The following ZBTB1 variants were observed in gnomAD, a reference collection of about 807,000 sequenced individuals.
ZBTB1 encodes zinc finger and BTB domain containing 1.
ZBTB1 carries 13 observed loss-of-function variants against 51.6 expected under a neutral mutation model. The ratio of observed to expected loss-of-function variants is 0.25; its 90% CI spans 0.16 to 0.40. ZBTB1 has a LOEUF of 0.40. Among genes scored for constraint, ZBTB1 ranks in the 10% least tolerant of loss-of-function variants. The pLI is 1.00. For missense variants in ZBTB1, 567 were observed against 856.5 expected, an observed-to-expected ratio of 0.66 and a Z score of 4.22; for synonymous variants, 240 against 282.2, an observed-to-expected ratio of 0.85 and a Z score of 1.50.
intron 1 of ZBTB1, among the ~76,000 whole-genome samples, chr14:64,510,504 A>G (rs1223876993): frequency 6.6e-6 from 1 of 152,218 alleles, no homozygotes; most frequent in Non-Finnish European, 1.5e-5. Context: ...AGGAGGTGAT[A>G]AACTGATTTT....
chr14:64,515,771 C>A (rs1007355145), intron 1 of ZBTB1, among the ~76,000 whole-genome samples: 1 of 152,078 alleles, frequency 6.6e-6, no homozygotes, highest in Non-Finnish European at 1.5e-5. Flanking sequence ...CACCCGCCTC[C>A]GCCTCCCAAA....
chr14:64,514,575 T>A (rs1483143900), intron 1 of ZBTB1, among the ~76,000 whole-genome samples: 1 of 152,244 alleles, frequency 6.6e-6, no homozygotes, highest in East Asian at 1.9e-4. Context: ...GAAAAATATT[T>A]CTGAAATCTT....
In ZBTB1 at chr14:64,523,044, A is replaced by G. The variant is rs746038364; in HGVS notation, c.1540A>G (p.Asn514Asp). 16 of 1,614,206 alleles carry G rather than the reference A, an allele frequency of 9.9e-6. No homozygotes were observed. Among genetic ancestry groups the G allele is most frequent in the Non-Finnish European group, 1.4e-5 (16 of 1,180,032 alleles). Residue 514 changes from asparagine (N) to aspartate (D), a missense_variant, in exon 2 of 2, where the codon AAT becomes GAT. Transcript: ENST00000683701. This position sits in a 1 kb window ranked among gnomAD's most constrained non-coding sequence, Gnocchi z 4.5. ...TGAAATGCTGGATGATTTTAGGGACAATCATTACCAGATAAACAGTATCCA... is the reference window on the plus strand; with the variant it reads ...TGAAATGCTGGATGATTTTAGGGACGATCATTACCAGATAAACAGTATCCA... ...FVEMLDDFRD[N>D]HYQINSIQKK... is the part of the protein sequence containing the mutation.
chr14:64,527,977 T>A (rs1158242200), downstream of ZBTB1, among the ~76,000 whole-genome samples: 1 of 152,150 alleles, frequency 6.6e-6, no homozygotes, highest in Non-Finnish European at 1.5e-5. Context: ...GAGATTTTTG[T>A]AAGTAATGAT....
chr14:64,517,430 C>T (rs1283155498), intron 1 of ZBTB1, among the ~76,000 whole-genome samples: 1 of 152,104 alleles, frequency 6.6e-6, no homozygotes, highest in Admixed American at 6.6e-5. Flanking sequence ...AAGTTTGTTT[C>T]ATTCTTGAAT....
rs1321262042 is a variant in ZBTB1 at position 64,522,022 on chromosome 14, G to C, written c.518G>C (p.Arg173Thr). 2 of 1,614,226 alleles carry C rather than the reference G, an allele frequency of 1.2e-6. No individual in the cohort carries two copies. Among genetic ancestry groups the C allele is most frequent in the Admixed American group, 1.7e-5 (1 of 60,028 alleles). Residue 173 changes from arginine (R) to threonine (T), a missense_variant, in exon 2 of 2, where the codon AGA becomes ACA. This residue lies in a region of ZBTB1 where 74 missense variants were observed against 74.9 expected (regional missense o/e 0.99). Coordinates refer to ENST00000683701, the MANE Select transcript of ZBTB1 (RefSeq NM_001123329.2). ...PSSTVNTPHN[R>T]EADEESLQLG... ...TCAACGGTAAATACACCACATAATA[G>C]AGAGGCTGATGAAGAGTCTTTACAA... is the stretch of plus-strand genomic sequence containing the variant.
At chr14:64,528,429 CAT>C (rs1395885311), downstream of ZBTB1, among the ~76,000 whole-genome samples, 1 of 141,692 alleles carries the variant, frequency 7.1e-6, no homozygotes, top group Non-Finnish European at 1.5e-5. Context: ...TCCTTTGTAA[CAT>C]ATACTTCTCA....
At chr14:64,504,752 C>G, upstream of ZBTB1, 1 of 373,740 alleles carries the variant, frequency 2.7e-6, no homozygotes, top group South Asian at 1.5e-4. Context: ...CGCGGCTGTG[C>G]GGCAGCGGAA....
intron 1 of ZBTB1, among the ~76,000 whole-genome samples, chr14:64,510,500 T>C (rs984640235): frequency 3.3e-5 from 5 of 151,962 alleles, no homozygotes; most frequent in African/African-American, 1.2e-4. Flanking sequence ...CTGCAGGAGG[T>C]GATAAACTGA....
exon 3 of ZBTB1, chr14:64,531,912 G>C: frequency 6.2e-7 from 1 of 1,613,530 alleles, no homozygotes; most frequent in Non-Finnish European, 8.5e-7. Context: ...TCTGAATTTG[G>C]AGAGGACATG....
chr14:64,518,797 A>G (rs983261863), intron 1 of ZBTB1, among the ~76,000 whole-genome samples: 1 of 150,922 alleles, frequency 6.6e-6, no homozygotes, highest in Non-Finnish European at 1.5e-5. Context: ...TGCTTTTAAT[A>G]CTTCCTCTCC....
At chr14:64,506,109 A>G (rs2079650593) in intron 1 of ZBTB1, among the ~76,000 whole-genome samples, 1 of 152,258 alleles carries the variant, frequency 6.6e-6, no homozygotes, top group Non-Finnish European at 1.5e-5. Context: ...TGAGGCTTGA[A>G]TGATGGCTGG....
At chr14:64,506,255 G>C (rs1233368129) in intron 1 of ZBTB1, among the ~76,000 whole-genome samples, 1 of 152,188 alleles carries the variant, frequency 6.6e-6, no homozygotes, top group Non-Finnish European at 1.5e-5. Context: ...AAACTGGGCC[G>C]GGCGCAGTGG....
At chr14:64,529,343 C>T (rs116865470), downstream of ZBTB1, among the ~76,000 whole-genome samples, 571 of 152,300 alleles carry the variant, frequency 3.7e-3, 1 homozygote, top group Middle Eastern at 0.017. Context: ...CGCCAATCTC[C>T]ATTTCCTTTT....
Position 64,524,146 on chromosome 14 carries a change from T to C in ZBTB1, c.*500T>C, listed in dbSNP as rs1027786491. 1.0e-6 allele frequency: 1 copy of C among 985,108 alleles called. No individual in the cohort carries two copies. Among genetic ancestry groups the C allele is most frequent in the African/African-American group, 1.7e-5 (1 of 57,210 alleles). The allele number at this position is 985,108 out of a possible 1,614,324, so 61.0% of individuals were successfully genotyped here. On this transcript the variant is annotated 3_prime_UTR_variant, in exon 2 of 2. Coordinates refer to ENST00000683701, the MANE Select transcript of ZBTB1 (RefSeq NM_001123329.2). ...CCCTTATTAATGAAATTCATATTCT[T>C]AAATTGACAAGCTTATTAGGCAAGT...
intron 1 of ZBTB1, chr14:64,514,102 T>C (rs2079755077): frequency 6.6e-6 from 1 of 152,254 alleles, no homozygotes; most frequent in Non-Finnish European, 1.5e-5. Context: ...GAGTATTCAA[T>C]AGATTCTGAT....
chr14:64,506,898 C>T (rs2079666842), intron 1 of ZBTB1, among the ~76,000 whole-genome samples: 1 of 152,222 alleles, frequency 6.6e-6, no homozygotes, highest in South Asian at 2.1e-4. Flanking sequence ...TGACCTTGTG[C>T]TTTGATTTCA....
intron 1 of ZBTB1, chr14:64,516,641 G>A (rs563057017): frequency 1.3e-5 from 2 of 152,204 alleles, no homozygotes; most frequent in Non-Finnish European, 2.9e-5. Flanking sequence ...TGCAGAATAC[G>A]TGTTGAATGA....
At chr14:64,531,975 A>C in exon 3 of ZBTB1, 2 of 1,533,058 alleles carry the variant, frequency 1.3e-6, no homozygotes, top group Non-Finnish European at 1.8e-6. Flanking sequence ...CAGGAATATC[A>C]GATCTGAAGT....
Sources: allele counts gnomAD v4.1 joint callset (sites outside exome capture counted in the v4.1 genomes callset), GRCh38; gene constraint gnomAD v4.1.1; regional missense constraint gnomAD v4.1.1; non-coding constraint Gnocchi (gnomAD v3.1); transcripts MANE v1.5; gene names NCBI Gene and HGNC (gene_info 2026-07-23, HGNC 2026-07-21).